The following TCEA3 variants were observed in gnomAD, a reference collection of about 807,000 sequenced individuals.
TCEA3 encodes transcription elongation factor A3.
In TCEA3, 36 loss-of-function variants were observed where a neutral mutation model predicts 44.0. The ratio of observed to expected loss-of-function variants is 0.82; its 90% confidence interval spans 0.63 to 1.08. The LOEUF is 1.08. TCEA3 is among the 50% of genes least tolerant of loss of function. The pLI is 0.00. For synonymous variants in TCEA3, 162 were observed against 159.7 expected (o/e 1.01, Z -0.11); for missense variants, 392 against 441.2 (o/e 0.89, Z 1.00).
intron 3 of TCEA3, 120 bp from the exon 4 acceptor site, chr1:23,417,510 A>G: frequency 7.1e-7 from 1 of 1,400,018 alleles, no homozygotes; most frequent in Non-Finnish European, 9.5e-7. Context: ...CACTCCCAAC[A>G]CACACACAAA....
intron 5 of TCEA3, among the ~76,000 whole-genome samples, chr1:23,402,769 G>C (rs924953746): frequency 6.6e-6 from 1 of 152,108 alleles, no homozygotes; most frequent in Admixed American, 6.5e-5. Context: ...ACCCTGTCAC[G>C]GGTTCACCAC....
At chr1:23,383,162 C>A (rs1263285785) in intron 10 of TCEA3, among the ~76,000 whole-genome samples, 1 of 151,842 alleles carries the variant, frequency 6.6e-6, no homozygotes, top group Non-Finnish European at 1.5e-5. Context: ...CGCCTTTAGT[C>A]CCAGCTACTC....
At chr1:23,397,689 A>T in intron 6 of TCEA3, 88 bp from the exon 7 acceptor site, 1 of 1,606,678 alleles carries the variant, frequency 6.2e-7, no homozygotes. Context: ...GTGTTCCTGT[A>T]CCATCCCTTG....
At chr1:23,400,887 C>G (rs1234776299) in intron 5 of TCEA3, among the ~76,000 whole-genome samples, 3 of 152,182 alleles carry the variant, frequency 2.0e-5, no homozygotes, top group Admixed American at 2.0e-4. Flanking sequence ...CGCCAGGCAG[C>G]CTTGGGGCCT....
intron 1 of TCEA3, 134 bp downstream of exon 1, chr1:23,424,431 G>C (rs1640157995): frequency 1.3e-6 from 1 of 745,372 alleles, no homozygotes; most frequent in Non-Finnish European, 2.2e-6. Context: ...CCCTGCACCA[G>C]CCGCTCCTCC....
chr1:23,422,307 G>A (rs1183199634), intron 1 of TCEA3, among the ~76,000 whole-genome samples: 6 of 152,146 alleles, frequency 3.9e-5, no homozygotes, highest in Non-Finnish European at 8.8e-5. Context: ...TGTCTCATAC[G>A]CAGTTAGGTT....
intron 9 of TCEA3, 41 bp downstream of exon 9, chr1:23,387,232 C>A: frequency 6.2e-7 from 1 of 1,603,498 alleles, no homozygotes; most frequent in East Asian, 2.2e-5. Flanking sequence ...TATGCCCCTG[C>A]GGCCTCCTGC....
At chr1:23,383,134 G>C (rs943230175) in intron 10 of TCEA3, among the ~76,000 whole-genome samples, 1 of 152,084 alleles carries the variant, frequency 6.6e-6, no homozygotes, top group South Asian at 2.1e-4. Flanking sequence ...AAAAAAATTA[G>C]CCGGGTGTGG....
rs559647157 is a variant in TCEA3, at chr1:23,400,917, A to G, written c.444-2962T>C. The stretch of plus-strand genomic sequence containing the variant: ...GGGCCTGGATCCACAGCTGCTTCTC[A>G]TGTTCACTTTCAGGCTGTGGACATG... On this transcript the variant is annotated intron_variant, in intron 5 of 10. Coordinates refer to ENST00000450454, the MANE Select transcript of TCEA3 (RefSeq NM_003196.3). Among the ~76,000 whole-genome samples, 42 of 152,270 alleles carry G rather than the reference A, an allele frequency of 2.8e-4. 1 individual carries two copies. In the South Asian group the frequency reaches 7.5e-3, roughly 27 times the overall value.
chr1:23,395,056 T>C (rs892408590), intron 7 of TCEA3, among the ~76,000 whole-genome samples: 2 of 152,180 alleles, frequency 1.3e-5, no homozygotes, highest in Non-Finnish European at 2.9e-5. Flanking sequence ...CTGCGGAGAA[T>C]GTGGAAAAAT....
At position 23,412,708 on chromosome 1, in the gene TCEA3, C is replaced by CA. The variant is rs11298848; in HGVS notation, c.381-3983dup. 9.3e-3 allele frequency among the ~76,000 whole-genome samples: 1,222 copies of CA among 131,180 alleles called. 24 individuals carry two copies. The highest frequency in any genetic ancestry group is 0.069 in the East Asian group (333 of 4,832). 86.1% of individuals were successfully genotyped at this position (131,180 alleles called of 152,430 possible). On this transcript the variant is annotated intron_variant, in intron 4 of 10. Coordinates refer to ENST00000450454, the MANE Select transcript of TCEA3 (RefSeq NM_003196.3). Reference sequence around the variant, plus strand: ...GGGCAACAAGAGTGAAACTCCATCTCAAAAAAAAAAAAATTGTACAGTCTG... The same window carrying CA: ...GGGCAACAAGAGTGAAACTCCATCTCAAAAAAAAAAAAAATTGTACAGTCTG...
chr1:23,397,474 C>T, intron 7 of TCEA3, 71 bp downstream of exon 7: 1 of 1,448,058 alleles, frequency 6.9e-7, no homozygotes, highest in Non-Finnish European at 9.5e-7. Flanking sequence ...ACTCTCCCAG[C>T]TCGCTTGCAC....
Position 23,405,011 on chromosome 1 carries a change from T to C in TCEA3, c.443+3653A>G, listed in dbSNP as rs184665914. Among the ~76,000 whole-genome samples, 179 of 152,128 alleles carry C rather than the reference T, an allele frequency of 1.2e-3. 2 individuals are homozygous for C. The highest frequency in any genetic ancestry group is 2.2e-4 in the Non-Finnish European group (15 of 67,988). On this transcript the variant is annotated intron_variant, in intron 5 of 10. Transcript: ENST00000450454. ...TGAAAATCTAGGTGTCTGGCTTTTC[T>C]TTAAAAAATTGGAAGACATGGCACC...
At chr1:23,391,105 C>A (rs1639011319) in intron 8 of TCEA3, among the ~76,000 whole-genome samples, 1 of 150,898 alleles carries the variant, frequency 6.6e-6, no homozygotes, top group Non-Finnish European at 1.5e-5. Flanking sequence ...CAAGCCCAAG[C>A]TAAGATTTTT....
At chr1:23,397,673 A>G (rs1270926499) in intron 6 of TCEA3, 72 bp from the exon 7 acceptor site, 1 of 1,603,960 alleles carries the variant, frequency 6.2e-7, no homozygotes, top group African/African-American at 1.3e-5. Context: ...TGTACCTGGG[A>G]CTAGAGTGTT....
At chr1:23,418,408 T>G (rs1443327407) in intron 2 of TCEA3, 1 of 189,440 alleles carries the variant, frequency 5.3e-6, no homozygotes, top group Non-Finnish European at 1.1e-5. Flanking sequence ...ACCTCCCAGG[T>G]TCAAGCGATT....
Position 23,417,892 on chromosome 1 carries a change from G to T in TCEA3, c.238+12C>A, listed in dbSNP as rs1314285366. ...GAAAAACAGGGCTCAAGACAACCTT[G>T]TCCTCTCTCACCTAGCAGCCGCTTC... On this transcript the variant is annotated intron_variant, in intron 3 of 10. Transcript: ENST00000450454. 1 of 1,612,734 alleles carries T rather than the reference G, an allele frequency of 6.2e-7. No individual in the cohort carries two copies. The highest frequency in any genetic ancestry group is 8.5e-7 in the Non-Finnish European group (1 of 1,178,854).
At chr1:23,415,933 A>T (rs1012887279) in intron 4 of TCEA3, among the ~76,000 whole-genome samples, 10 of 151,884 alleles carry the variant, frequency 6.6e-5, no homozygotes, top group Non-Finnish European at 1.3e-4. Context: ...ACACTAACTC[A>T]TCAAGAGTGA....
chr1:23,384,523 G>A, intron 9 of TCEA3, 106 bp from the exon 10 acceptor site: 2 of 1,157,768 alleles, frequency 1.7e-6, no homozygotes, highest in Non-Finnish European at 2.4e-6. Context: ...TTGGCACTGA[G>A]ATTCCCACCC....
Sources: allele counts gnomAD v4.1 joint callset (sites outside exome capture counted in the v4.1 genomes callset), GRCh38; gene constraint gnomAD v4.1.1; transcripts MANE v1.5; gene names NCBI Gene and HGNC (gene_info 2026-07-23, HGNC 2026-07-21).